Variants in TENT4B observed in about 807,000 individuals in gnomAD.
TENT4B encodes the protein terminal nucleotidyltransferase 4B, also known as PAP associated domain containing 5.
A neutral mutation model predicts 75.0 loss-of-function variants in TENT4B; 10 were observed. The observed-to-expected ratio is 0.13, with a 90% CI of 0.08 to 0.23. The LOEUF is 0.23. TENT4B is among the 10% of genes least tolerant of loss of function. TENT4B has a pLI of 1.00. For synonymous variants in TENT4B, 350 were observed against 357.7 expected (o/e 0.98, Z 0.24); for missense variants, 579 against 893.8 (o/e 0.65, Z 4.49).
At chr16:50,171,424 A>C (rs2038204091) in intron 1 of TENT4B, among the ~76,000 whole-genome samples, 1 of 152,074 alleles carries the variant, frequency 6.6e-6, no homozygotes, top group Admixed American at 6.6e-5. Flanking sequence ...AAAGTGGATT[A>C]GTGGAGAATG....
intron 1 of TENT4B, among the ~76,000 whole-genome samples, chr16:50,159,309 A>G (rs1451666214): frequency 6.9e-6 from 1 of 144,502 alleles, no homozygotes; most frequent in African/African-American, 2.6e-5. Context: ...CAGTGGCGCG[A>G]TCTTGGCTCA....
intron 1 of TENT4B, among the ~76,000 whole-genome samples, chr16:50,207,284 C>A (rs923638615): frequency 6.6e-6 from 1 of 152,024 alleles, no homozygotes. Context: ...CGGGCTCAAG[C>A]GATTCTCCCA....
intron 1 of TENT4B, among the ~76,000 whole-genome samples, chr16:50,190,218 G>A (rs1030020085): frequency 1.3e-5 from 2 of 151,854 alleles, no homozygotes; most frequent in East Asian, 1.9e-4. Flanking sequence ...GTTCTTCAGC[G>A]ATGTATCTCT....
rs2032354899 is a variant in TENT4B, at chr16:50,233,458, A to G, written c.*4130A>G. ...CTAACTGGAAGCCTTTTTCTCAGTC[A>G]TCTTGTTCTAAGCCATCTTGACTTC... On this transcript the variant is annotated 3_prime_UTR_variant, in exon 12 of 12. Coordinates refer to ENST00000561678, the MANE Select transcript of TENT4B (RefSeq NM_001365324.3). The G allele has an allele frequency of 1.0e-6, 1 of 985,138 alleles. No homozygotes were observed. Among genetic ancestry groups the G allele is most frequent in the Non-Finnish European group, 1.2e-6 (1 of 829,902 alleles). 61.0% of individuals were successfully genotyped at this position (985,138 alleles called of 1,614,324 possible).
intron 1 of TENT4B, among the ~76,000 whole-genome samples, chr16:50,162,677 C>T (rs1041465140): frequency 6.6e-6 from 1 of 152,094 alleles, no homozygotes; most frequent in Non-Finnish European, 1.5e-5. Flanking sequence ...TGGTTTTACT[C>T]TTAGCAGTAA....
intron 10 of TENT4B, 28 bp from the exon 11 acceptor site, chr16:50,227,811 A>T: frequency 6.2e-7 from 1 of 1,605,982 alleles, no homozygotes; most frequent in Non-Finnish European, 8.5e-7. Context: ...CTAATATGTC[A>T]CATTATAACT....
chr16:50,170,396 T>C (rs1049496489), intron 1 of TENT4B, among the ~76,000 whole-genome samples: 10 of 152,222 alleles, frequency 6.6e-5, no homozygotes, highest in African/African-American at 2.2e-4. Flanking sequence ...GCCTTCCTTA[T>C]AGGAAGATTT....
At chr16:50,189,263 C>T (rs1012686138) in intron 1 of TENT4B, among the ~76,000 whole-genome samples, 1 of 151,994 alleles carries the variant, frequency 6.6e-6, no homozygotes, top group Non-Finnish European at 1.5e-5. Flanking sequence ...GTTTATATGA[C>T]CCTGGAGTAC....
intron 1 of TENT4B, among the ~76,000 whole-genome samples, chr16:50,160,357 G>A (rs1243030979): frequency 6.6e-6 from 1 of 151,680 alleles, no homozygotes; most frequent in East Asian, 1.9e-4. Flanking sequence ...TTTAACTATT[G>A]AAAAGCAAAG....
chr16:50,187,294 C>G (rs1161052701), intron 1 of TENT4B, among the ~76,000 whole-genome samples: 1 of 152,170 alleles, frequency 6.6e-6, no homozygotes, highest in African/African-American at 2.4e-5. Flanking sequence ...GAGAGTCACA[C>G]TTGAGGCTCT....
rs2037816432 is a variant in TENT4B at position 50,153,506 on chromosome 16, C to G, written c.-116C>G. On this transcript the variant is annotated 5_prime_UTR_variant, in exon 1 of 12. Transcript: ENST00000561678. ...GGGCCCCGAGCAGCAGCAGCAGCAG[C>G]AGCGGCAGCAGCGGCAGCAGCAGCA... The G allele has an allele frequency of 4.0e-6, 1 of 252,250 alleles. No homozygotes were observed. Among genetic ancestry groups the G allele is most frequent in the Non-Finnish European group, 6.1e-6 (1 of 163,000 alleles). 15.6% of individuals were successfully genotyped at this position (252,250 alleles called of 1,614,324 possible).
intron 5 of TENT4B, among the ~76,000 whole-genome samples, chr16:50,222,023 C>T (rs1290235018): frequency 2.0e-5 from 3 of 152,138 alleles, no homozygotes; most frequent in Non-Finnish European, 4.4e-5. Flanking sequence ...CCTTGGTCTC[C>T]CAAAGTGCTA....
rs1160919190 is a variant in TENT4B at position 50,233,238 on chromosome 16, A to G, written c.*3910A>G. The G allele has an allele frequency of 2.0e-6, 2 of 985,300 alleles. No homozygotes were observed. Among genetic ancestry groups the G allele is most frequent in the Non-Finnish European group, 2.4e-6 (2 of 829,780 alleles). The allele number at this position is 985,300 out of a possible 1,614,324, so 61.0% of individuals were successfully genotyped here. On this transcript the variant is annotated 3_prime_UTR_variant, in exon 12 of 12. Transcript: ENST00000561678. ...CATTAAAGTGGGAACAAAGATTTATATATGAAATTCCTTAAAAGAGTTCAT... is the reference window on the plus strand; with the variant it reads ...CATTAAAGTGGGAACAAAGATTTATGTATGAAATTCCTTAAAAGAGTTCAT...
intron 1 of TENT4B, among the ~76,000 whole-genome samples, chr16:50,162,987 A>G (rs767832987): frequency 6.6e-6 from 1 of 152,170 alleles, no homozygotes. Context: ...TTTAGACTCT[A>G]TAGAATAGAT....
At chr16:50,165,894 A>C (rs1025722826) in intron 1 of TENT4B, among the ~76,000 whole-genome samples, 1 of 152,106 alleles carries the variant, frequency 6.6e-6, no homozygotes, top group African/African-American at 2.4e-5. Flanking sequence ...TTCATGTACA[A>C]GTTTTTATGT....
intron 1 of TENT4B, among the ~76,000 whole-genome samples, chr16:50,176,046 G>A (rs541754740): frequency 1.3e-5 from 2 of 151,564 alleles, no homozygotes; most frequent in East Asian, 3.9e-4. Flanking sequence ...GCCTCCCAAA[G>A]TGTTGGGATT....
At chr16:50,195,195 G>A (rs969429294) in intron 1 of TENT4B, among the ~76,000 whole-genome samples, 1 of 152,066 alleles carries the variant, frequency 6.6e-6, no homozygotes, top group African/African-American at 2.4e-5. Flanking sequence ...GGATTATTGT[G>A]GATGACTGAA....
At chr16:50,191,942 A>AAT (rs1271937277) in intron 1 of TENT4B, among the ~76,000 whole-genome samples, 2 of 148,502 alleles carry the variant, frequency 1.3e-5, no homozygotes, top group African/African-American at 2.5e-5. Flanking sequence ...AAACAAACAA[A>AAT]ATATATATAT....
At chr16:50,194,797 G>A (rs1374157420) in intron 1 of TENT4B, among the ~76,000 whole-genome samples, 2 of 142,944 alleles carry the variant, frequency 1.4e-5, no homozygotes, top group Non-Finnish European at 1.5e-5. Flanking sequence ...CACCCAGGCT[G>A]GAGTGCAGTG....
Sources: gnomAD v4.1 joint callset for allele counts (sites outside exome capture counted in the v4.1 genomes callset) on GRCh38, gnomAD v4.1.1 for gene constraint, MANE v1.5 for transcripts, NCBI Gene and HGNC (gene_info 2026-07-23, HGNC 2026-07-21) for gene names.